ACBD6: variants seen among roughly 807,000 people sequenced by gnomAD.
The protein encoded by ACBD6 is acyl-CoA-binding domain-containing protein 6.
Under a neutral mutation model 37.2 loss-of-function variants are expected in ACBD6, and 28 were observed. The observed-to-expected ratio is 0.75, with a 90% CI of 0.56 to 1.03. The LOEUF (loss-of-function observed/expected upper bound fraction) is 1.03. Among genes scored for constraint, ACBD6 ranks in the 50% least tolerant of loss-of-function variants. The probability of loss-of-function intolerance (pLI) is 0.00; values close to 1 mark genes in which losing one functional copy is unlikely to be tolerated. For missense variants in ACBD6, 340 were observed against 337.4 expected (o/e 1.01, Z -0.06); for synonymous variants, 113 against 126.8 (o/e 0.89, Z 0.73).
At chr1:180,310,060 G>A (rs1650527118) in intron 7 of ACBD6, among the ~76,000 whole-genome samples, 1 of 152,076 alleles carries the variant, frequency 6.6e-6, no homozygotes, top group African/African-American at 2.4e-5. Flanking sequence ...CCTTAGGCAA[G>A]CTTGTTAATC....
At chr1:180,271,170 C>T (rs1648631003) in exon 14 of ACBD6, 2 of 636,194 alleles carry the variant, frequency 3.1e-6, no homozygotes, top group South Asian at 1.8e-5. Flanking sequence ...GGACTGCTGT[C>T]CTCACTTTTC....
At chr1:180,274,336 C>T in intron 10 of ACBD6, 2 of 1,614,194 alleles carry the variant, frequency 1.2e-6, no homozygotes, top group Non-Finnish European at 1.7e-6. Flanking sequence ...CCTATGGAAT[C>T]CCCCAGTCTC....
chr1:180,378,898 T>C (rs1482279355), intron 6 of ACBD6, among the ~76,000 whole-genome samples: 5 of 152,158 alleles, frequency 3.3e-5, no homozygotes, highest in Non-Finnish European at 5.9e-5. Context: ...CCACTGCTAC[T>C]GCCACTGCCC....
At chr1:180,386,113 T>G (rs1234080813) in intron 6 of ACBD6, among the ~76,000 whole-genome samples, 2 of 152,180 alleles carry the variant, frequency 1.3e-5, no homozygotes, top group East Asian at 3.8e-4. Context: ...GAGGTTGCAG[T>G]GAGCCAAGAT....
intron 9 of ACBD6, chr1:180,276,589 C>G (rs1165266064): frequency 1.3e-5 from 2 of 152,198 alleles, no homozygotes; most frequent in Admixed American, 1.3e-4. Flanking sequence ...GAGGAAGACA[C>G]AAATGCCATG....
intron 3 of ACBD6, among the ~76,000 whole-genome samples, chr1:180,477,423 A>C (rs1388955766): frequency 6.6e-6 from 1 of 152,244 alleles, no homozygotes; most frequent in East Asian, 1.9e-4. Flanking sequence ...TAAAGTCAGT[A>C]GGATAGACCA....
At chr1:180,480,212 C>T (rs576317983) in intron 3 of ACBD6, among the ~76,000 whole-genome samples, 12 of 151,926 alleles carry the variant, frequency 7.9e-5, no homozygotes, top group Non-Finnish European at 1.5e-4. Flanking sequence ...AAGTCACGTC[C>T]GAAGCAATGT....
intron 7 of ACBD6, among the ~76,000 whole-genome samples, chr1:180,303,713 T>A (rs1275347918): frequency 6.6e-6 from 1 of 150,656 alleles, no homozygotes; most frequent in African/African-American, 2.4e-5. Flanking sequence ...CTGAAACTAT[T>A]CCAATCAATA....
rs12068605 is a variant in ACBD6 at position 180,479,752 on chromosome 1, C to A, written c.384+12517G>T. Among the ~76,000 whole-genome samples the A allele has an allele frequency of 5.9e-3, 899 of 152,144 alleles. 6 individuals carry two copies. Among genetic ancestry groups the A allele is most frequent in the African/African-American group, 0.02 (830 of 41,508 alleles). On this transcript the variant is annotated intron_variant, in intron 3 of 7. Coordinates refer to ENST00000367595, the MANE Select transcript of ACBD6 (RefSeq NM_032360.4). ...CGCCTGTAATCCCAGCACTTTGAGG[C>A]GGAGGCGGGTGGATTGCTTGAGTCC...
intron 6 of ACBD6, among the ~76,000 whole-genome samples, chr1:180,378,723 C>A (rs773071284): frequency 6.6e-6 from 1 of 152,190 alleles, no homozygotes; most frequent in African/African-American, 2.4e-5. Flanking sequence ...CTGAGCACTC[C>A]CTGCTGGGGT....
intron 3 of ACBD6, 44 bp from the exon 4 acceptor site, chr1:180,430,306 A>C (rs1286747798): frequency 4.2e-6 from 6 of 1,443,048 alleles, no homozygotes; most frequent in Admixed American, 3.3e-5. Context: ...CAAATGGGTT[A>C]AAACAATAGG....
chr1:180,356,469 G>C (rs187661884), intron 6 of ACBD6, among the ~76,000 whole-genome samples: 200 of 152,132 alleles, frequency 1.3e-3, no homozygotes, highest in African/African-American at 4.7e-3. Context: ...ACTGCACCCG[G>C]CCTATTGTTA....
intron 5 of ACBD6, among the ~76,000 whole-genome samples, chr1:180,399,216 T>TA (rs1166157350): frequency 7.2e-5 from 11 of 152,044 alleles, no homozygotes; most frequent in Admixed American, 3.9e-4. Flanking sequence ...AGTATCAAAA[T>TA]AAAAAAAATT....
intron 3 of ACBD6, 96 bp from the exon 4 acceptor site, chr1:180,430,358 T>A: frequency 9.3e-7 from 1 of 1,071,640 alleles, no homozygotes; most frequent in Non-Finnish European, 1.4e-6. Flanking sequence ...TAAGAAAGAC[T>A]AAGGATTTTA....
chr1:180,467,880 C>T (rs981335845), intron 3 of ACBD6, among the ~76,000 whole-genome samples: 4 of 152,104 alleles, frequency 2.6e-5, no homozygotes, highest in East Asian at 1.9e-4. Context: ...TAAACATGTA[C>T]ATAAATCTTC....
chr1:180,368,646 G>A (rs1218924019), intron 6 of ACBD6, among the ~76,000 whole-genome samples: 3 of 151,736 alleles, frequency 2.0e-5, no homozygotes, highest in African/African-American at 7.3e-5. Context: ...CTTTTCAGGG[G>A]GATGCATTTC....
intron 6 of ACBD6, among the ~76,000 whole-genome samples, chr1:180,381,478 T>G (rs1468066641): frequency 1.3e-5 from 2 of 152,082 alleles, no homozygotes; most frequent in Non-Finnish European, 2.9e-5. Context: ...ACAAAACAAG[T>G]CTCAACAAAT....
intron 6 of ACBD6, among the ~76,000 whole-genome samples, chr1:180,330,769 T>G (rs922600463): frequency 6.6e-6 from 1 of 152,166 alleles, no homozygotes; most frequent in African/African-American, 2.4e-5. Flanking sequence ...TAACATCATA[T>G]TAAAATTGCT....
intron 6 of ACBD6, among the ~76,000 whole-genome samples, chr1:180,352,943 G>A (rs1302412862): frequency 6.6e-6 from 1 of 152,152 alleles, no homozygotes; most frequent in Non-Finnish European, 1.5e-5. Context: ...TCCTACTTCA[G>A]GGACCTTTTT....
Sources: gnomAD v4.1 joint callset for allele counts (sites outside exome capture counted in the v4.1 genomes callset) on GRCh38, gnomAD v4.1.1 for gene constraint, MANE v1.5 for transcripts, NCBI Gene and HGNC (gene_info 2026-07-23, HGNC 2026-07-21) for gene names.